PTPN9: variants seen among roughly 807,000 people sequenced by gnomAD.
The protein encoded by PTPN9 is tyrosine-protein phosphatase non-receptor type 9.
PTPN9 carries 26 observed loss-of-function variants against 69.8 expected under a neutral mutation model. That is an observed-to-expected ratio of 0.37 (90% confidence interval 0.27 to 0.52). The LOEUF is 0.52. Ranked by LOEUF, PTPN9 falls within the 20% of genes least tolerant of loss-of-function variation. PTPN9 has a pLI of 0.91. For synonymous variants in PTPN9, 274 were observed against 272.5 expected (o/e 1.01, Z -0.05); for missense variants, 549 against 740.3 (o/e 0.74, Z 3.00).
intron 11 of PTPN9, 100 bp from the exon 12 acceptor site, chr15:75,470,099 ACCAAGGCT>A: frequency 1.8e-6 from 2 of 1,100,140 alleles, no homozygotes; most frequent in South Asian, 1.4e-5. Flanking sequence ...TATCCCTACC[ACCAAGGCT>A]CCTATCCACC....
At chr15:75,559,497 G>C (rs1283075862) in intron 1 of PTPN9, among the ~76,000 whole-genome samples, 3 of 152,196 alleles carry the variant, frequency 2.0e-5, no homozygotes, top group Non-Finnish European at 4.4e-5. Flanking sequence ...TCTGAAACAT[G>C]TGCTGTGTCC....
At chr15:75,493,428 T>C (rs2074722350) in intron 7 of PTPN9, among the ~76,000 whole-genome samples, 1 of 151,868 alleles carries the variant, frequency 6.6e-6, no homozygotes, top group African/African-American at 2.4e-5. Flanking sequence ...TTGAGGAAAT[T>C]TCCAGAATAC....
At chr15:75,578,463 G>A (rs1283944579) in intron 1 of PTPN9, among the ~76,000 whole-genome samples, 1 of 152,228 alleles carries the variant, frequency 6.6e-6, no homozygotes, top group Non-Finnish European at 1.5e-5. Context: ...GGTGGGGTGC[G>A]GAGGGCACCG....
chr15:75,506,389 TCAGA>T (rs2074819923), intron 6 of PTPN9, among the ~76,000 whole-genome samples: 1 of 152,280 alleles, frequency 6.6e-6, no homozygotes, highest in Admixed American at 6.5e-5. Flanking sequence ...AACCCCATAC[TCAGA>T]CAACCAATTC....
Position 75,524,197 on chromosome 15 carries a change from C to T in PTPN9, c.297+12G>A, listed in dbSNP as rs544308988. 216 of 1,569,872 alleles carry T rather than the reference C, an allele frequency of 1.4e-4. No individual in the cohort carries two copies. Among genetic ancestry groups the T allele is most frequent in the Non-Finnish European group, 1.8e-4 (205 of 1,142,398 alleles). Reference sequence around the variant, plus strand: ...TAATAAGGCCCTACAAGATAGGTCCCTAAACACTCACTAAGATGGTGAATT... The same window carrying T: ...TAATAAGGCCCTACAAGATAGGTCCTTAAACACTCACTAAGATGGTGAATT... On this transcript the variant is annotated intron_variant, in intron 3 of 12. Transcript: ENST00000618819.
At chr15:75,570,174 G>C (rs1215881715) in intron 1 of PTPN9, 2 of 152,108 alleles carry the variant, frequency 1.3e-5, no homozygotes, top group Non-Finnish European at 2.9e-5. Context: ...TTACCTAATT[G>C]TTACTTACAG....
intron 1 of PTPN9, among the ~76,000 whole-genome samples, chr15:75,530,699 TAA>T (rs2074955987): frequency 3.2e-5 from 1 of 31,190 alleles, no homozygotes; most frequent in African/African-American, 2.3e-4. Context: ...ATAATATATA[TAA>T]TATATATTAT....
chr15:75,561,892 G>T (rs1355801924), intron 1 of PTPN9, among the ~76,000 whole-genome samples: 1 of 151,966 alleles, frequency 6.6e-6, no homozygotes, highest in Non-Finnish European at 1.5e-5. Flanking sequence ...TATGTTTAGT[G>T]AGATGGGGTT....
At chr15:75,539,345 G>A (rs986828290) in intron 1 of PTPN9, among the ~76,000 whole-genome samples, 4 of 148,636 alleles carry the variant, frequency 2.7e-5, no homozygotes, top group Non-Finnish European at 4.4e-5. Context: ...ATGGAGTCTC[G>A]CACTGCCACC....
chr15:75,464,283 G>A lies in PTPN9; in HGVS notation c.*4486C>T, dbSNP rs570136914. 6.6e-6 allele frequency: 1 copy of A among 151,186 alleles called. No homozygotes were observed. Among genetic ancestry groups the A allele is most frequent in the Admixed American group, 6.6e-5 (1 of 15,140 alleles). The allele number at this position is 151,186 out of a possible 1,614,324, so 9.4% of individuals were successfully genotyped here. A position where few individuals can be genotyped will look rare whatever the true frequency, so the allele number is the denominator to read the frequency against. On this transcript the variant is annotated 3_prime_UTR_variant, in exon 13 of 13. Coordinates refer to ENST00000618819, the MANE Select transcript of PTPN9 (RefSeq NM_002833.4). ...AACATAGTGAGATCCTGTCTCTAGA[G>A]AGAGAGAGAGAAAAAAAAAAAAAGC...
chr15:75,553,799 G>A (rs918201921), intron 1 of PTPN9, among the ~76,000 whole-genome samples: 4 of 151,930 alleles, frequency 2.6e-5, no homozygotes, highest in African/African-American at 9.7e-5. Flanking sequence ...CATTCTTCCT[G>A]AGGCTGAGAC....
chr15:75,568,674 GAAA>G (rs112208881), intron 1 of PTPN9, among the ~76,000 whole-genome samples: 1 of 138,972 alleles, frequency 7.2e-6, no homozygotes, highest in Non-Finnish European at 1.6e-5. Flanking sequence ...CATCTCTTTA[GAAA>G]AAAAAAAAAA....
chr15:75,479,754 A>G (rs570276676), intron 9 of PTPN9, 94 bp downstream of exon 9: 125 of 1,108,016 alleles, frequency 1.1e-4, no homozygotes, highest in Non-Finnish European at 1.6e-4. Flanking sequence ...CCTCCACTCA[A>G]GTTACCATTC....
chr15:75,494,394 C>G (rs1002482708), intron 7 of PTPN9, among the ~76,000 whole-genome samples: 2 of 151,912 alleles, frequency 1.3e-5, no homozygotes, highest in Admixed American at 6.6e-5. Context: ...GCTCTGTCCC[C>G]CAGACTGGAG....
intron 4 of PTPN9, among the ~76,000 whole-genome samples, chr15:75,522,026 C>T (rs536717905): frequency 6.6e-6 from 1 of 152,206 alleles, no homozygotes; most frequent in African/African-American, 2.4e-5. Flanking sequence ...ACTTCTAATC[C>T]GGAGGACCAG....
At chr15:75,469,315 T>C (rs948081728) in intron 12 of PTPN9, among the ~76,000 whole-genome samples, 1 of 152,250 alleles carries the variant, frequency 6.6e-6, no homozygotes, top group Non-Finnish European at 1.5e-5. Context: ...CACAAGTTTT[T>C]CAGAGGCCTA....
intron 7 of PTPN9, among the ~76,000 whole-genome samples, chr15:75,504,837 G>A (rs1307909229): frequency 4.7e-5 from 6 of 127,732 alleles, no homozygotes; most frequent in East Asian, 2.3e-4. Context: ...CGCCCCGTCC[G>A]GGAGGGAGGT....
intron 8 of PTPN9, among the ~76,000 whole-genome samples, chr15:75,482,519 C>G (rs1415632324): frequency 3.2e-5 from 4 of 126,782 alleles, no homozygotes; most frequent in Non-Finnish European, 6.3e-5. Context: ...GAGCCGAGAT[C>G]GTGCCACTGC....
At chr15:75,504,215 G>T (rs1301410872) in intron 7 of PTPN9, among the ~76,000 whole-genome samples, 1 of 119,478 alleles carries the variant, frequency 8.4e-6, no homozygotes, top group African/African-American at 3.3e-5. Context: ...GGTCGGGGGG[G>T]TCAGCCCCCC....
Sources: gnomAD v4.1 joint callset for allele counts (sites outside exome capture counted in the v4.1 genomes callset) on GRCh38, gnomAD v4.1.1 for gene constraint, MANE v1.5 for transcripts, NCBI Gene and HGNC (gene_info 2026-07-23, HGNC 2026-07-21) for gene names.